OCLN: variants seen among roughly 807,000 people sequenced by gnomAD.
OCLN encodes phosphatase 1, regulatory subunit 115.
Under a neutral mutation model 47.9 loss-of-function variants are expected in OCLN, and 21 were observed. That is an observed-to-expected ratio of 0.44 (90% CI 0.31 to 0.63). The LOEUF (loss-of-function observed/expected upper bound fraction) is 0.63. OCLN is among the 30% of genes least tolerant of loss of function. OCLN has a pLI of 0.08. For synonymous variants in OCLN, 117 were observed against 198.4 expected, an observed-to-expected ratio of 0.59 and a Z score of 3.45; for missense variants, 360 against 571.0, an observed-to-expected ratio of 0.63 and a Z score of 3.77.
intron 1 of OCLN, among the ~76,000 whole-genome samples, chr5:69,498,689 TG>T (rs748682233): frequency 9.9e-5 from 15 of 152,070 alleles, no homozygotes; most frequent in Non-Finnish European, 1.9e-4. Context: ...TTTTTTTAAT[TG>T]TTTTTTTGAG....
At chr5:69,516,875 A>G (rs1375903550) in intron 4 of OCLN, among the ~76,000 whole-genome samples, 1 of 151,980 alleles carries the variant, frequency 6.6e-6, no homozygotes, top group African/African-American at 2.4e-5. Context: ...TAGGCAACAT[A>G]ATGGGACCCT....
chr5:69,530,200 A>G (rs958784405), intron 4 of OCLN, among the ~76,000 whole-genome samples: 1 of 152,212 alleles, frequency 6.6e-6, no homozygotes, highest in Non-Finnish European at 1.5e-5. Context: ...TACTGTGAAA[A>G]TTAAAATATT....
chr5:69,522,894 C>CTTTTTT (rs60505522), intron 4 of OCLN, among the ~76,000 whole-genome samples: 28 of 116,872 alleles, frequency 2.4e-4, no homozygotes, highest in South Asian at 5.7e-4. Context: ...GCCTGGCTGA[C>CTTTTTT]TTTTTTTTTT....
At chr5:69,496,355 C>A (rs374748971) in intron 1 of OCLN, among the ~76,000 whole-genome samples, 2 of 152,080 alleles carry the variant, frequency 1.3e-5, no homozygotes, top group East Asian at 3.9e-4. Context: ...GTCTCGGCCC[C>A]CCAAAGTGCT....
chr5:69,495,495 G>A (rs1768264134), intron 1 of OCLN, among the ~76,000 whole-genome samples: 1 of 152,124 alleles, frequency 6.6e-6, no homozygotes, highest in African/African-American at 2.4e-5. Flanking sequence ...ACAAACTGAA[G>A]TTGGAAAAAA....
At chr5:69,515,291 C>T (rs565517176) in intron 4 of OCLN, among the ~76,000 whole-genome samples, 11 of 133,242 alleles carry the variant, frequency 8.3e-5, no homozygotes, top group South Asian at 2.5e-4. Flanking sequence ...CTGACCCCCC[C>T]ACCTCCTTCC....
chr5:69,500,444 A>G (rs1295616243), intron 1 of OCLN, among the ~76,000 whole-genome samples: 1 of 142,656 alleles, frequency 7.0e-6, no homozygotes, highest in Non-Finnish European at 1.5e-5. Flanking sequence ...CTTTTTGCCC[A>G]GGCTGGAGTG....
At chr5:69,496,221 C>A (rs1768284718) in intron 1 of OCLN, among the ~76,000 whole-genome samples, 1 of 152,014 alleles carries the variant, frequency 6.6e-6, no homozygotes, top group African/African-American at 2.4e-5. Flanking sequence ...GCCTCGGCCT[C>A]CCGAGTAGTT....
chr5:69,514,841 G>A (rs1327675664), intron 4 of OCLN, among the ~76,000 whole-genome samples: 1 of 152,188 alleles, frequency 6.6e-6, no homozygotes, highest in Non-Finnish European at 1.5e-5. Flanking sequence ...AGGGTTGGGG[G>A]TAGGGTCACC....
chr5:69,497,291 C>T (rs1303722329), intron 1 of OCLN, among the ~76,000 whole-genome samples: 1 of 151,470 alleles, frequency 6.6e-6, no homozygotes, highest in Non-Finnish European at 1.5e-5. Context: ...TCATATATTT[C>T]AGGGCTGCTA....
rs568830752 is a variant in OCLN at position 69,533,583 on chromosome 5, G to A, written c.892-1111G>A. Among the ~76,000 whole-genome samples the A allele has an allele frequency of 3.9e-5, 6 of 152,222 alleles. No homozygotes were observed. The East Asian group carries it at 7.7e-4, about 20-fold the overall frequency. Reference sequence around the variant, plus strand: ...TGCTGTTTCATTTTAATGCCTCTCCGGGCCTGATAGCTTTTAAGAAAGGGC... The same window carrying A: ...TGCTGTTTCATTTTAATGCCTCTCCAGGCCTGATAGCTTTTAAGAAAGGGC... On this transcript the variant is annotated intron_variant, in intron 4 of 8. Transcript: ENST00000396442.
intron 4 of OCLN, among the ~76,000 whole-genome samples, chr5:69,514,914 G>A (rs1265025529): frequency 1.3e-5 from 2 of 152,184 alleles, no homozygotes; most frequent in East Asian, 1.9e-4. Context: ...AAAGTCTCCC[G>A]TGTCTACCAC....
chr5:69,528,235 G>C (rs1250562587), intron 4 of OCLN, among the ~76,000 whole-genome samples: 3 of 152,078 alleles, frequency 2.0e-5, no homozygotes, highest in East Asian at 3.9e-4. Context: ...TAGTACAAGG[G>C]CATAGGGCTG....
At chr5:69,539,614 AC>A (rs1307504918) in intron 5 of OCLN, among the ~76,000 whole-genome samples, 1 of 25,322 alleles carries the variant, frequency 3.9e-5, no homozygotes, top group African/African-American at 2.0e-4. Flanking sequence ...TGATTCCCCC[AC>A]CCCCCCTTAA....
rs377287136 is a variant in OCLN, at chr5:69,504,955, A to G, written c.50+661A>G. ...AGAGACAGAGCGAGACTCCGTCTGA[A>G]AAAAAGAAAAAAGGCCAGGCCTGGT... is the stretch of plus-strand genomic sequence containing the variant. On this transcript the variant is annotated intron_variant, in intron 2 of 8. Transcript: ENST00000396442. Among the ~76,000 whole-genome samples, 45 of 150,978 alleles carry G rather than the reference A, an allele frequency of 3.0e-4. 2 individuals are homozygous for G. The highest frequency in any genetic ancestry group is 1.2e-3 in the East Asian group (6 of 5,092).
intron 4 of OCLN, among the ~76,000 whole-genome samples, chr5:69,521,083 C>T (rs1481792993): frequency 6.6e-6 from 1 of 151,544 alleles, no homozygotes; most frequent in African/African-American, 2.4e-5. Flanking sequence ...GCGATCCACC[C>T]GCGTCGGCCT....
chr5:69,516,355 G>C (rs981927479), intron 4 of OCLN, among the ~76,000 whole-genome samples: 1 of 152,214 alleles, frequency 6.6e-6, no homozygotes, highest in Non-Finnish European at 1.5e-5. Flanking sequence ...AAACCAGTCA[G>C]GCGTGGTGGC....
At position 69,493,327 on chromosome 5, in the gene OCLN, G is replaced by T. The variant is rs1265485278; in HGVS notation, c.-69+427G>T. Among the ~76,000 whole-genome samples, 1 of 152,018 alleles carries T rather than the reference G, an allele frequency of 6.6e-6. No individual in the cohort carries two copies. Among genetic ancestry groups the T allele is most frequent in the Non-Finnish European group, 1.5e-5 (1 of 68,002 alleles). On this transcript the variant is annotated intron_variant, in intron 1 of 8. Transcript: ENST00000396442. This position sits in a 1 kb window ranked among gnomAD's most constrained non-coding sequence, Gnocchi z 5.3. ...GCTCCTTGGGGGTCCTAAGCCTGAG[G>T]CTGCAGCGAGGCGGCTGTTCGGCGG...
At chr5:69,549,955 AT>A (rs1223475715) in intron 7 of OCLN, among the ~76,000 whole-genome samples, 1 of 149,964 alleles carries the variant, frequency 6.7e-6, no homozygotes, top group African/African-American at 2.4e-5. Context: ...TGCACTGCTT[AT>A]TTCTGGCTTT....
Sources: allele counts gnomAD v4.1 joint callset (sites outside exome capture counted in the v4.1 genomes callset), GRCh38; gene constraint gnomAD v4.1.1; non-coding constraint Gnocchi (gnomAD v3.1); transcripts MANE v1.5; gene names NCBI Gene and HGNC (gene_info 2026-07-23, HGNC 2026-07-21).